Variants in CCDC148 observed in about 807,000 individuals in gnomAD.
CCDC148 encodes coiled-coil domain-containing protein 148.
CCDC148 carries 89 observed loss-of-function variants against 85.7 expected under a neutral mutation model. The ratio of observed to expected loss-of-function variants is 1.04; its 90% CI spans 0.87 to 1.24. The LOEUF is 1.24. CCDC148 is among the 50% of genes most tolerant of loss of function. The pLI is 0.00. For missense variants in CCDC148, 692 were observed against 671.7 expected (o/e 1.03, Z -0.33); for synonymous variants, 230 against 213.9 (o/e 1.08, Z -0.66).
rs190160241 is a variant in CCDC148, at chr2:158,238,699, A to G, written c.1251+12073T>C. On this transcript the variant is annotated intron_variant, in intron 10 of 13. Coordinates refer to ENST00000283233, the MANE Select transcript of CCDC148 (RefSeq NM_138803.4). ...AGTAAGCAGTGTGAACTTTTAGAAC[A>G]CAAAAGAAATTCTACTAGAAAGCAG... 2.8e-4 allele frequency among the ~76,000 whole-genome samples: 42 copies of G among 152,278 alleles called. 1 individual carries two copies. Among genetic ancestry groups the G allele is most frequent in the African/African-American group, 9.9e-4 (41 of 41,546 alleles).
At chr2:158,276,905 T>C (rs764520379) in intron 9 of CCDC148, among the ~76,000 whole-genome samples, 2 of 152,234 alleles carry the variant, frequency 1.3e-5, no homozygotes, top group Non-Finnish European at 2.9e-5. Context: ...GTATGATGTT[T>C]CATGCTAATT....
chr2:158,286,664 G>T lies in CCDC148; in HGVS notation c.1110+22769C>A, dbSNP rs181625622. 6.2e-4 allele frequency among the ~76,000 whole-genome samples: 94 copies of T among 152,134 alleles called. 1 individual carries two copies. The highest frequency in any genetic ancestry group is 1.2e-3 in the Non-Finnish European group (84 of 68,002). On this transcript the variant is annotated intron_variant, in intron 9 of 13. Coordinates refer to ENST00000283233, the MANE Select transcript of CCDC148 (RefSeq NM_138803.4). ...CCCATGGACATAGACAAATAAAATG[G>T]AATGGAGGGTTCAGAAGTAGATTTA...
chr2:158,412,173 G>C (rs770881381), intron 1 of CCDC148, among the ~76,000 whole-genome samples: 37 of 152,276 alleles, frequency 2.4e-4, no homozygotes, highest in Middle Eastern at 3.4e-3. Flanking sequence ...TTCAGCCAAG[G>C]AGACTCTTTT....
At chr2:158,291,082 C>T (rs1454153316) in intron 9 of CCDC148, among the ~76,000 whole-genome samples, 7 of 151,886 alleles carry the variant, frequency 4.6e-5, no homozygotes, top group Middle Eastern at 3.2e-3. Flanking sequence ...CATCGCTGCC[C>T]CTAACGTTCC....
chr2:158,226,121 A>T (rs925192983), intron 10 of CCDC148, among the ~76,000 whole-genome samples: 1 of 152,184 alleles, frequency 6.6e-6, no homozygotes, highest in African/African-American at 2.4e-5. Context: ...GATAAAGGGG[A>T]TATCACCACC....
intron 10 of CCDC148, among the ~76,000 whole-genome samples, chr2:158,233,854 A>G (rs914256684): frequency 5.3e-5 from 8 of 152,060 alleles, no homozygotes; most frequent in Non-Finnish European, 7.4e-5. Context: ...GTGTGCTTCA[A>G]CCTGGGACTG....
intron 9 of CCDC148, among the ~76,000 whole-genome samples, chr2:158,287,032 G>C (rs1690660140): frequency 6.6e-6 from 1 of 152,150 alleles, no homozygotes; most frequent in Non-Finnish European, 1.5e-5. Context: ...GAGGTAAAAG[G>C]CACTTCTTAC....
At chr2:158,381,072 T>A (rs1050823235) in intron 1 of CCDC148, 2 of 152,060 alleles carry the variant, frequency 1.3e-5, no homozygotes, top group Non-Finnish European at 2.9e-5. Context: ...GATTTCTTTT[T>A]AAAAAAATGT....
intron 1 of CCDC148, among the ~76,000 whole-genome samples, chr2:158,425,836 G>C (rs1559137047): frequency 6.6e-6 from 1 of 152,102 alleles, no homozygotes; most frequent in Non-Finnish European, 1.5e-5. Flanking sequence ...CTGGATATCT[G>C]AAGACACTGT....
chr2:158,248,496 C>T (rs1156700321), intron 10 of CCDC148, among the ~76,000 whole-genome samples: 1 of 152,086 alleles, frequency 6.6e-6, no homozygotes, highest in African/African-American at 2.4e-5. Flanking sequence ...GGTTTGACCA[C>T]AACTTTGGCT....
At chr2:158,310,742 A>G (rs6709315) in intron 8 of CCDC148, among the ~76,000 whole-genome samples, 122,714 of 144,178 alleles carry the variant, frequency 0.85, 52,371 homozygotes, top group East Asian at 0.97. Flanking sequence ...GGGCAGAGGC[A>G]CTCCTCACAT....
chr2:158,451,534 T>C (rs766202684), intron 1 of CCDC148, among the ~76,000 whole-genome samples: 4 of 152,126 alleles, frequency 2.6e-5, no homozygotes, highest in African/African-American at 4.8e-5. Context: ...ATAATAGAAA[T>C]ACAAGTTCCA....
chr2:158,428,426 G>T (rs1235250583), intron 1 of CCDC148, among the ~76,000 whole-genome samples: 1 of 152,032 alleles, frequency 6.6e-6, no homozygotes, highest in Non-Finnish European at 1.5e-5. Flanking sequence ...TGAAACATTG[G>T]AAGAGGGCCA....
intron 2 of CCDC148, among the ~76,000 whole-genome samples, chr2:158,347,891 T>C (rs768658497): frequency 2.1e-4 from 32 of 152,094 alleles, no homozygotes; most frequent in Admixed American, 1.7e-3. Flanking sequence ...AATAAAGAAC[T>C]GTTAACATAA....
intron 10 of CCDC148, among the ~76,000 whole-genome samples, chr2:158,235,115 CT>C (rs1457006822): frequency 5.3e-5 from 8 of 151,914 alleles, no homozygotes; most frequent in Non-Finnish European, 1.0e-4. Flanking sequence ...ACATGTGCCC[CT>C]AAACTTTAAA....
chr2:158,193,831 A>T (rs979757049), intron 11 of CCDC148, among the ~76,000 whole-genome samples: 3 of 151,776 alleles, frequency 2.0e-5, no homozygotes, highest in African/African-American at 7.3e-5. Context: ...ACAATTTTAC[A>T]TAAGGTATAT....
intron 1 of CCDC148, among the ~76,000 whole-genome samples, chr2:158,434,737 G>C (rs922673434): frequency 6.6e-6 from 1 of 152,248 alleles, no homozygotes; most frequent in African/African-American, 2.4e-5. Context: ...GAAAAAAGAT[G>C]AGACGAATGG....
intron 9 of CCDC148, among the ~76,000 whole-genome samples, chr2:158,297,037 A>G (rs932491901): frequency 9.2e-5 from 14 of 152,314 alleles, no homozygotes; most frequent in Non-Finnish European, 1.9e-4. Flanking sequence ...GACTATAGGG[A>G]AGCCGATAAT....
intron 9 of CCDC148, among the ~76,000 whole-genome samples, chr2:158,254,416 G>C (rs1688927058): frequency 6.6e-6 from 1 of 151,672 alleles, no homozygotes; most frequent in Non-Finnish European, 1.5e-5. Flanking sequence ...TCAAGGGGCA[G>C]GAGGGAGTAA....
Sources: allele counts gnomAD v4.1 joint callset (sites outside exome capture counted in the v4.1 genomes callset), GRCh38; gene constraint gnomAD v4.1.1; transcripts MANE v1.5; gene names NCBI Gene and HGNC (gene_info 2026-07-23, HGNC 2026-07-21).